The following DNAL1 variants were observed in gnomAD, a reference collection of about 807,000 sequenced individuals.
DNAL1 encodes the protein dynein axonemal light chain 1, also known as chromosome 14 open reading frame 168.
Under a neutral mutation model 29.4 loss-of-function variants are expected in DNAL1, and 17 were observed. The observed-to-expected ratio is 0.58, with a 90% confidence interval of 0.40 to 0.87. The LOEUF (loss-of-function observed/expected upper bound fraction) is 0.87, where lower values mean the gene tolerates loss of function less well. Among genes scored for constraint, DNAL1 ranks in the 40% least tolerant of loss-of-function variants. DNAL1 has a pLI of 0.00. For synonymous variants in DNAL1, 78 were observed against 76.3 expected, an observed-to-expected ratio of 1.02 and a Z score of -0.12; for missense variants, 188 against 214.1, an observed-to-expected ratio of 0.88 and a Z score of 0.76.
rs138597506 is a variant in DNAL1, at chr14:73,678,241, GA to G, written c.264+6647del. ...CTAGTCATTTAGGTTTCATCTTTTG[GA>G]AATTGACCAAACACATTTTTAACCT... On this transcript the variant is annotated intron_variant, in intron 5 of 7. Transcript: ENST00000553645. Among the ~76,000 whole-genome samples the G allele has an allele frequency of 8.0e-3, 1,220 of 151,886 alleles. 24 individuals are homozygous for G. Among genetic ancestry groups the G allele is most frequent in the African/African-American group, 0.028 (1,156 of 41,390 alleles).
At chr14:73,667,627 T>C (rs1205358927) in intron 4 of DNAL1, among the ~76,000 whole-genome samples, 1 of 152,102 alleles carries the variant, frequency 6.6e-6, no homozygotes, top group Non-Finnish European at 1.5e-5. Flanking sequence ...GCCTCCTGAG[T>C]AGCTGGGACT....
chr14:73,682,202 G>A (rs1192767667), intron 5 of DNAL1, among the ~76,000 whole-genome samples: 9 of 134,054 alleles, frequency 6.7e-5, no homozygotes, highest in African/African-American at 1.1e-4. Flanking sequence ...ATGGAGTCTC[G>A]CTCTGTTGCC....
At position 73,701,013 on chromosome 14, in the gene DNAL1, G is replaced by A. The variant is rs1193563550; in HGVS notation, c.*5071G>A. 2.6e-5 allele frequency: 4 copies of A among 152,104 alleles called. No individual in the cohort carries two copies. Among genetic ancestry groups the A allele is most frequent in the Non-Finnish European group, 1.5e-5 (1 of 68,024 alleles). The allele number at this position is 152,104 out of a possible 1,614,324, so 9.4% of individuals were successfully genotyped here. The stretch of plus-strand genomic sequence containing the variant: ...ATACCATATCTGTATCTCTATTCCT[G>A]CATTTTATAAATCTGTAAAGGAAGA... On this transcript the variant is annotated 3_prime_UTR_variant, in exon 8 of 8. Transcript: ENST00000553645.
intron 7 of DNAL1, among the ~76,000 whole-genome samples, chr14:73,690,236 T>C (rs950705916): frequency 5.9e-5 from 9 of 152,092 alleles, no homozygotes; most frequent in Admixed American, 3.9e-4. Flanking sequence ...TATTTTTTCC[T>C]GATATAAATT....
At chr14:73,669,370 G>A (rs940872169) in intron 4 of DNAL1, among the ~76,000 whole-genome samples, 6 of 151,862 alleles carry the variant, frequency 4.0e-5, no homozygotes, top group Admixed American at 1.3e-4. Context: ...TCCGCCTCCC[G>A]GGTTCAAGCG....
intron 5 of DNAL1, among the ~76,000 whole-genome samples, chr14:73,674,080 A>C (rs1355159150): frequency 6.6e-6 from 1 of 152,032 alleles, no homozygotes; most frequent in Non-Finnish European, 1.5e-5. Flanking sequence ...AAAGGGGTTG[A>C]TTTATAACTA....
chr14:73,688,466 A>G (rs1217750309), intron 6 of DNAL1, among the ~76,000 whole-genome samples: 1 of 152,170 alleles, frequency 6.6e-6, no homozygotes, highest in Non-Finnish European at 1.5e-5. Context: ...ATACAAAAAT[A>G]CAAAAACATA....
At chr14:73,651,479 A>C (rs905723951) in intron 1 of DNAL1, among the ~76,000 whole-genome samples, 4 of 152,202 alleles carry the variant, frequency 2.6e-5, no homozygotes, top group Non-Finnish European at 5.9e-5. Flanking sequence ...AAAAGTGTCT[A>C]GGCTTGGAGT....
At chr14:73,681,093 TTG>T (rs1420777183) in intron 5 of DNAL1, among the ~76,000 whole-genome samples, 2 of 92,532 alleles carry the variant, frequency 2.2e-5, no homozygotes, top group Admixed American at 2.3e-4. Flanking sequence ...TGTAGATTTT[TTG>T]TTGTTGTTGT....
At chr14:73,691,787 G>A (rs2878627) in intron 7 of DNAL1, among the ~76,000 whole-genome samples, 33,481 of 147,844 alleles carry the variant, frequency 0.23, 4,937 homozygotes, top group Non-Finnish European at 0.33. Context: ...TCCGCCTCCC[G>A]GGTTCAAGCG....
In DNAL1 at chr14:73,699,835, C is replaced by T. The variant is rs1263922791; in HGVS notation, c.*3893C>T. On this transcript the variant is annotated 3_prime_UTR_variant, in exon 8 of 8. Transcript: ENST00000553645. ...GAGTGTACTTTAGAAAATAGGTCAT[C>T]ATTCTTTAAGCGTCATTCATTGTCT... The T allele has an allele frequency of 3.3e-5, 5 of 152,192 alleles. No individual in the cohort carries two copies. The allele number at this position is 152,192 out of a possible 1,614,324, so 9.4% of individuals were successfully genotyped here. A position where few individuals can be genotyped will look rare whatever the true frequency, so the allele number is the denominator to read the frequency against.
At chr14:73,651,635 T>C (rs1225669477) in intron 1 of DNAL1, among the ~76,000 whole-genome samples, 1 of 152,192 alleles carries the variant, frequency 6.6e-6, no homozygotes, top group East Asian at 1.9e-4. Context: ...TTAAACCTTA[T>C]TGCCATATGT....
chr14:73,687,961 C>T (rs1413341946), intron 6 of DNAL1, among the ~76,000 whole-genome samples: 1 of 151,456 alleles, frequency 6.6e-6, no homozygotes, highest in Non-Finnish European at 1.5e-5. Context: ...ACGTTGTACA[C>T]ATATGCCCTA....
chr14:73,677,217 G>A (rs1016844694), intron 5 of DNAL1, among the ~76,000 whole-genome samples: 20 of 151,830 alleles, frequency 1.3e-4, no homozygotes, highest in Admixed American at 7.9e-4. Context: ...TGATCTGCCC[G>A]CCTCGGCCTC....
At chr14:73,671,730 T>G (rs1328657386) in intron 5 of DNAL1, 133 bp downstream of exon 5, 2 of 1,093,300 alleles carry the variant, frequency 1.8e-6, no homozygotes, top group African/African-American at 3.3e-5. Context: ...TGTGACATAT[T>G]CTCAAGTTAC....
chr14:73,669,385 T>G (rs1891564956), intron 4 of DNAL1, among the ~76,000 whole-genome samples: 1 of 152,090 alleles, frequency 6.6e-6, no homozygotes, highest in African/African-American at 2.4e-5. Context: ...CAAGCGATTC[T>G]CCTGCCTCAG....
chr14:73,668,943 A>G (rs1216614961), intron 4 of DNAL1, among the ~76,000 whole-genome samples: 1 of 151,426 alleles, frequency 6.6e-6, no homozygotes, highest in African/African-American at 2.4e-5. Context: ...TCCCAAAGTG[A>G]TGGGATTACA....
At chr14:73,691,895 A>G (rs1248490890) in intron 7 of DNAL1, among the ~76,000 whole-genome samples, 1 of 134,824 alleles carries the variant, frequency 7.4e-6, no homozygotes, top group Non-Finnish European at 1.5e-5. Flanking sequence ...ATGGGGTTTC[A>G]CCATGTTGGC....
chr14:73,694,544 AT>A (rs5809625), intron 7 of DNAL1, among the ~76,000 whole-genome samples: 1 of 150,860 alleles, frequency 6.6e-6, no homozygotes, highest in Non-Finnish European at 1.5e-5. Flanking sequence ...CTCTACAGTG[AT>A]TTTTTTTTCA....
Sources: gnomAD v4.1 joint callset for allele counts (sites outside exome capture counted in the v4.1 genomes callset) on GRCh38, gnomAD v4.1.1 for gene constraint, MANE v1.5 for transcripts, NCBI Gene and HGNC (gene_info 2026-07-23, HGNC 2026-07-21) for gene names.